CRACDL: variants seen among roughly 807,000 people sequenced by gnomAD.
The protein encoded by CRACDL is CRACD-like protein.
In CRACDL, 26 loss-of-function variants were observed where a neutral mutation model predicts 70.6. That is an observed-to-expected ratio of 0.37 (90% CI 0.27 to 0.51). The LOEUF (loss-of-function observed/expected upper bound fraction) is 0.51, where lower values mean the gene tolerates loss of function less well. Among genes scored for constraint, CRACDL ranks in the 20% least tolerant of loss-of-function variants. The pLI is 0.94. For missense variants in CRACDL, 1,283 were observed against 1,376.9 expected (o/e 0.93, Z 1.08); for synonymous variants, 618 against 615.2 (o/e 1.00, Z -0.07).
chr2:98,820,184 C>T (rs2104458193), intron 7 of CRACDL, among the ~76,000 whole-genome samples: 1 of 152,164 alleles, frequency 6.6e-6, no homozygotes, highest in Non-Finnish European at 1.5e-5. Flanking sequence ...CACATGCACA[C>T]ACAACTTATT....
At chr2:98,916,470 T>G (rs1708668289) in intron 1 of CRACDL, among the ~76,000 whole-genome samples, 1 of 151,864 alleles carries the variant, frequency 6.6e-6, no homozygotes, top group African/African-American at 2.4e-5. Flanking sequence ...TTTAAATGTG[T>G]GCAGATTATA....
At chr2:98,916,441 G>A (rs1434752341) in intron 1 of CRACDL, among the ~76,000 whole-genome samples, 1 of 152,124 alleles carries the variant, frequency 6.6e-6, no homozygotes, top group Non-Finnish European at 1.5e-5. Flanking sequence ...CATATATCAA[G>A]ATGTATGAAA....
intron 1 of CRACDL, among the ~76,000 whole-genome samples, chr2:98,848,727 C>G (rs1187630778): frequency 6.6e-6 from 1 of 152,154 alleles, no homozygotes; most frequent in Non-Finnish European, 1.5e-5. Flanking sequence ...GCTGGGAACA[C>G]AGGCCCACGC....
chr2:98,881,583 C>A (rs1438950976), intron 1 of CRACDL, among the ~76,000 whole-genome samples: 2 of 152,172 alleles, frequency 1.3e-5, no homozygotes, highest in South Asian at 4.1e-4. Flanking sequence ...TAGAGAACCA[C>A]GGTTCTAGAG....
chr2:98,908,131 G>A (rs1413929128), intron 1 of CRACDL, among the ~76,000 whole-genome samples: 2 of 152,322 alleles, frequency 1.3e-5, no homozygotes, highest in African/African-American at 2.4e-5. Context: ...CAGCCACTCC[G>A]TAGCAGGAGC....
At chr2:98,845,197 CTTCTTT>C (rs1559230203) in intron 2 of CRACDL, among the ~76,000 whole-genome samples, 2 of 107,450 alleles carry the variant, frequency 1.9e-5, no homozygotes, top group East Asian at 2.3e-4. Context: ...CTTTCTTCTT[CTTCTTT>C]TTTTTTTTTT....
chr2:98,830,834 C>T (rs1705510530), intron 5 of CRACDL, among the ~76,000 whole-genome samples: 1 of 152,148 alleles, frequency 6.6e-6, no homozygotes, highest in Non-Finnish European at 1.5e-5. Context: ...TAGAAACTAC[C>T]TCTCCTCTTA....
Position 98,796,326 on chromosome 2 carries a change from C to T in CRACDL, c.2605-62G>A, listed in dbSNP as rs142717669. The T allele has an allele frequency of 3.2e-6, 5 of 1,545,842 alleles. No individual in the cohort carries two copies. The Admixed American group carries it at 5.1e-5, about 16-fold the overall frequency. ...ATGATTCAGACAGGGGCAAACACAT[C>T]CAAAGTGAAGGAGCTGCAAAGCTGC... On this transcript the variant is annotated intron_variant, in intron 8 of 9. Coordinates refer to ENST00000397899, the MANE Select transcript of CRACDL (RefSeq NM_207362.3).
At chr2:98,930,236 A>G (rs1424677070) in intron 1 of CRACDL, among the ~76,000 whole-genome samples, 3 of 152,064 alleles carry the variant, frequency 2.0e-5, no homozygotes, top group Non-Finnish European at 2.9e-5. Context: ...GGGAAGGCGG[A>G]TGCTGCAGAG....
Position 98,794,362 on chromosome 2 carries a change from G to T in CRACDL, c.*170C>A. ...CCCTCTGGCCCAGGAGTATGGCTGT[G>T]TGTTTATCCTCTTTGTTTTGCCTGG... is the stretch of plus-strand genomic sequence containing the variant. On this transcript the variant is annotated 3_prime_UTR_variant, in exon 10 of 10. Transcript: ENST00000397899. 1 of 597,448 alleles carries T rather than the reference G, an allele frequency of 1.7e-6. No individual in the cohort carries two copies. Among genetic ancestry groups the T allele is most frequent in the East Asian group, 2.8e-5 (1 of 35,564 alleles). 37.0% of individuals were successfully genotyped at this position (597,448 alleles called of 1,614,324 possible). A position where few individuals can be genotyped will look rare whatever the true frequency, so the allele number is the denominator to read the frequency against.
In CRACDL at chr2:98,846,820, T is replaced by C. The variant is rs745661782; in HGVS notation, c.-10-10A>G. ...AATCATGTCAAGCTCGCTGAAATTA[T>C]ATGGAAATTCACGTTAAAGAAACAT... On this transcript the variant is annotated splice_polypyrimidine_tract_variant and intron_variant, in intron 1 of 9. Coordinates refer to ENST00000397899, the MANE Select transcript of CRACDL (RefSeq NM_207362.3). 4 of 1,609,380 alleles carry C rather than the reference T, an allele frequency of 2.5e-6. No individual in the cohort carries two copies. Among genetic ancestry groups the C allele is most frequent in the Non-Finnish European group, 3.4e-6 (4 of 1,175,626 alleles).
In CRACDL at chr2:98,826,884, T is replaced by C. The variant is rs546442405; in HGVS notation, c.735+91A>G. The C allele has an allele frequency of 1.3e-5, 10 of 773,006 alleles. No individual in the cohort carries two copies. The Admixed American group carries it at 1.8e-4, about 14-fold the overall frequency. The allele number at this position is 773,006 out of a possible 1,614,324, so 47.9% of individuals were successfully genotyped here. On this transcript the variant is annotated intron_variant, in intron 6 of 9. Coordinates refer to ENST00000397899, the MANE Select transcript of CRACDL (RefSeq NM_207362.3). Reference sequence around the variant, plus strand: ...GGTGCTCAGAGGGGGCATGAGACCCTGTGTGGGGGAGTGAGGCAGGTTGGG... The same window carrying C: ...GGTGCTCAGAGGGGGCATGAGACCCCGTGTGGGGGAGTGAGGCAGGTTGGG...
intron 7 of CRACDL, among the ~76,000 whole-genome samples, chr2:98,813,296 G>A (rs746725032): frequency 5.9e-5 from 9 of 152,198 alleles, no homozygotes; most frequent in Non-Finnish European, 1.0e-4. Context: ...GTCAGGTGTG[G>A]TGGTGGGTGC....
At chr2:98,878,092 G>A (rs916481506) in intron 1 of CRACDL, among the ~76,000 whole-genome samples, 19 of 151,872 alleles carry the variant, frequency 1.3e-4, no homozygotes, top group Admixed American at 1.0e-3. Flanking sequence ...GAGTACAGGC[G>A]TGCGCCACCA....
intron 7 of CRACDL, among the ~76,000 whole-genome samples, chr2:98,813,870 A>G (rs1227033623): frequency 6.6e-6 from 1 of 152,226 alleles, no homozygotes; most frequent in Admixed American, 6.5e-5. Context: ...TTTTACCTAC[A>G]GATTTGATCA....
At chr2:98,810,807 T>C (rs1395469832) in intron 7 of CRACDL, among the ~76,000 whole-genome samples, 3 of 152,004 alleles carry the variant, frequency 2.0e-5, no homozygotes, top group Non-Finnish European at 4.4e-5. Context: ...TGTAAATACA[T>C]AGGGATTAAA....
chr2:98,827,821 G>C (rs1219905888), intron 5 of CRACDL, among the ~76,000 whole-genome samples: 1 of 152,094 alleles, frequency 6.6e-6, no homozygotes, highest in East Asian at 1.9e-4. Context: ...TTTGTCCAAG[G>C]GCACAGTCAC....
chr2:98,841,243 C>T, intron 2 of CRACDL, among the ~76,000 whole-genome samples: 1 of 152,024 alleles, frequency 6.6e-6, no homozygotes, highest in Non-Finnish European at 1.5e-5. Flanking sequence ...TAACTCTTAA[C>T]TGGAACAATT....
chr2:98,846,937 G>A, intron 1 of CRACDL, 127 bp from the exon 2 acceptor site: 2 of 741,982 alleles, frequency 2.7e-6, no homozygotes, highest in South Asian at 1.6e-5. Flanking sequence ...ACAGTCCAGG[G>A]CAGAGTGCAG....
Sources: gnomAD v4.1 joint callset for allele counts (sites outside exome capture counted in the v4.1 genomes callset) on GRCh38, gnomAD v4.1.1 for gene constraint, MANE v1.5 for transcripts, NCBI Gene and HGNC (gene_info 2026-07-23, HGNC 2026-07-21) for gene names.